The following DHRSX variants were observed in gnomAD, a reference collection of about 807,000 sequenced individuals.
DHRSX encodes the protein dehydrogenase/reductase X-linked.
A neutral mutation model predicts 34.0 loss-of-function variants in DHRSX; 31 were observed. That is an observed-to-expected ratio of 0.91 (90% confidence interval 0.69 to 1.23). The LOEUF (loss-of-function observed/expected upper bound fraction) is 1.23. Ranked by LOEUF, DHRSX falls within the 50% of genes most tolerant of loss-of-function variation. The pLI is 0.00. For missense variants in DHRSX, 414 were observed against 428.1 expected (o/e 0.97, Z 0.29); for synonymous variants, 201 against 183.8 (o/e 1.09, Z -0.76).
intron 3 of DHRSX, among the ~76,000 whole-genome samples, chrX:2,298,525 A>G (rs73185771): frequency 0.42 from 62,462 of 148,788 alleles, 13,532 homozygotes; most frequent in Middle Eastern, 0.52. Flanking sequence ...TGGCAAGATG[A>G]CACATTTCCT....
At chrX:2,390,479 CA>C (rs2043323377) in intron 3 of DHRSX, among the ~76,000 whole-genome samples, 1 of 151,876 alleles carries the variant, frequency 6.6e-6, no homozygotes, top group African/African-American at 2.4e-5. Flanking sequence ...GAAAAATACA[CA>C]TCACATAAAG....
intron 3 of DHRSX, among the ~76,000 whole-genome samples, chrX:2,318,956 T>C (rs1160938321): frequency 6.6e-6 from 1 of 152,132 alleles, no homozygotes; most frequent in African/African-American, 2.4e-5. Context: ...ATTTCATTAC[T>C]TTGTGTGCCC....
chrX:2,388,125 T>A (rs1178167058), intron 3 of DHRSX, among the ~76,000 whole-genome samples: 2 of 151,946 alleles, frequency 1.3e-5, no homozygotes, highest in Non-Finnish European at 2.9e-5. Context: ...TATGGGTTTG[T>A]CCTTGGTCTT....
chrX:2,478,629 C>T (rs2044719132), intron 1 of DHRSX, among the ~76,000 whole-genome samples: 1 of 74,748 alleles, frequency 1.3e-5, no homozygotes, highest in South Asian at 3.1e-4. Flanking sequence ...AGGGACCGCA[C>T]TGAAGACGTT....
At chrX:2,297,677 T>C (rs2041950107) in intron 3 of DHRSX, among the ~76,000 whole-genome samples, 1 of 152,152 alleles carries the variant, frequency 6.6e-6, no homozygotes, top group Admixed American at 6.6e-5. Flanking sequence ...AAGGTAGGTC[T>C]CAAACTCCTG....
At chrX:2,325,016 C>T (rs967657565) in intron 3 of DHRSX, among the ~76,000 whole-genome samples, 3 of 151,510 alleles carry the variant, frequency 2.0e-5, no homozygotes, top group Admixed American at 2.0e-4. Flanking sequence ...CCTAATGATC[C>T]ACCCGCCTCA....
chrX:2,458,020 G>A (rs1477463283), intron 1 of DHRSX, among the ~76,000 whole-genome samples: 1 of 151,984 alleles, frequency 6.6e-6, no homozygotes, highest in African/African-American at 2.4e-5. Context: ...TAAGAATGCG[G>A]CCAAGGGACT....
At chrX:2,395,759 G>T (rs1190977416) in intron 3 of DHRSX, among the ~76,000 whole-genome samples, 1 of 152,082 alleles carries the variant, frequency 6.6e-6, no homozygotes, top group Non-Finnish European at 1.5e-5. Flanking sequence ...GAGCCAGGGG[G>T]GTGACTATGT....
intron 1 of DHRSX, among the ~76,000 whole-genome samples, chrX:2,427,916 T>A (rs2043869450): frequency 6.6e-6 from 1 of 152,172 alleles, no homozygotes. Context: ...CATGGAATAC[T>A]ACACAGCCAT....
rs757175833 is a variant in DHRSX, at chrX:2,232,763, A to G, written c.804+10260T>C. Among the ~76,000 whole-genome samples, 7 of 151,948 alleles carry G rather than the reference A, an allele frequency of 4.6e-5. No individual in the cohort carries two copies. The South Asian group carries it at 1.2e-3, about 27-fold the overall frequency. On this transcript the variant is annotated intron_variant, in intron 6 of 6. Transcript: ENST00000334651. ...AATTTTTTGTATTTTTAGTAGAGACAGGATTTCACCATGTTGGCCAGGCTG... is the reference window on the plus strand; with the variant it reads ...AATTTTTTGTATTTTTAGTAGAGACGGGATTTCACCATGTTGGCCAGGCTG...
At chrX:2,284,700 T>C (rs1278838696) in intron 4 of DHRSX, among the ~76,000 whole-genome samples, 1 of 152,132 alleles carries the variant, frequency 6.6e-6, no homozygotes, top group Non-Finnish European at 1.5e-5. Context: ...ATAAATACAA[T>C]TTTGAAGTGA....
intron 6 of DHRSX, among the ~76,000 whole-genome samples, chrX:2,227,519 A>G: frequency 7.3e-6 from 1 of 136,952 alleles, no homozygotes; most frequent in African/African-American, 2.8e-5. Context: ...GAGAGAAAGG[A>G]AGCAGAGAAG....
At chrX:2,437,326 C>A (rs772653958) in intron 1 of DHRSX, among the ~76,000 whole-genome samples, 1 of 152,244 alleles carries the variant, frequency 6.6e-6, no homozygotes, top group East Asian at 1.9e-4. Flanking sequence ...AGATGCTCAG[C>A]CGAGTCTGGT....
At chrX:2,238,298 T>A (rs140740961) in intron 6 of DHRSX, among the ~76,000 whole-genome samples, 1,605 of 152,238 alleles carry the variant, frequency 0.011, 27 homozygotes, top group African/African-American at 0.037. Context: ...TCGAGGCTGC[T>A]GTGAGCTGTG....
chrX:2,488,368 T>G (rs1299629073), intron 1 of DHRSX: 20 of 432,952 alleles, frequency 4.6e-5, no homozygotes, highest in Non-Finnish European at 7.2e-5. Context: ...AGAGACGGGG[T>G]TTCGCCATGT....
intron 3 of DHRSX, among the ~76,000 whole-genome samples, chrX:2,364,827 A>G (rs759466474): frequency 6.6e-6 from 1 of 152,300 alleles, no homozygotes; most frequent in Non-Finnish European, 1.5e-5. Context: ...ACCATCGATC[A>G]TTTATCTACC....
chrX:2,354,433 C>T (rs904919147), intron 3 of DHRSX, among the ~76,000 whole-genome samples: 2 of 152,296 alleles, frequency 1.3e-5, no homozygotes, highest in South Asian at 4.1e-4. Flanking sequence ...CAATCACTAC[C>T]CACAGCCTCC....
chrX:2,298,396 A>AG (rs1338376685), intron 3 of DHRSX, among the ~76,000 whole-genome samples: 1 of 145,830 alleles, frequency 6.9e-6, no homozygotes, highest in Non-Finnish European at 1.5e-5. Context: ...TCTTTTGTTA[A>AG]AAAAAAAAAA....
At chrX:2,239,957 T>TA (rs1256757870) in intron 6 of DHRSX, among the ~76,000 whole-genome samples, 10 of 151,418 alleles carry the variant, frequency 6.6e-5, no homozygotes, top group Admixed American at 2.0e-4. Context: ...CTTGAGGAAT[T>TA]AGAGATGTGA....
Sources: allele counts gnomAD v4.1 joint callset (sites outside exome capture counted in the v4.1 genomes callset), GRCh38; gene constraint gnomAD v4.1.1; transcripts MANE v1.5; gene names NCBI Gene and HGNC (gene_info 2026-07-23, HGNC 2026-07-21).